PDZRN4: variants seen among roughly 807,000 people sequenced by gnomAD.
PDZRN4 encodes the protein PDZ domain-containing RING finger protein 4.
Under a neutral mutation model 99.0 loss-of-function variants are expected in PDZRN4, and 70 were observed. The ratio of observed to expected loss-of-function variants is 0.71; its 90% CI spans 0.58 to 0.86. PDZRN4 has a LOEUF of 0.86. Among genes scored for constraint, PDZRN4 ranks in the 40% least tolerant of loss-of-function variants. The pLI is 0.00. For missense variants in PDZRN4, 1,474 were observed against 1,331.2 expected (o/e 1.11, Z -1.67); for synonymous variants, 551 against 501.6 (o/e 1.10, Z -1.32).
At position 41,188,368 on chromosome 12, in the gene PDZRN4, G is replaced by C. The variant is rs1001304026; in HGVS notation, c.-88G>C. 10 of 1,291,942 alleles carry C rather than the reference G, an allele frequency of 7.7e-6. No individual in the cohort carries two copies. Among genetic ancestry groups the C allele is most frequent in the Non-Finnish European group, 1.0e-5 (10 of 973,476 alleles). 80.0% of individuals were successfully genotyped at this position (1,291,942 alleles called of 1,614,324 possible). A position where few individuals can be genotyped will look rare whatever the true frequency, so the allele number is the denominator to read the frequency against. On this transcript the variant is annotated 5_prime_UTR_variant, in exon 1 of 10. Coordinates refer to ENST00000402685, the MANE Select transcript of PDZRN4 (RefSeq NM_001164595.2). ...CCCTCCACTGCCGCCGCCGCGAGAC[G>C]GCTGCCCCGGGGGTGGCCCGGGGAA...
At chr12:41,351,657 G>A (rs1283666994) in intron 3 of PDZRN4, among the ~76,000 whole-genome samples, 2 of 151,858 alleles carry the variant, frequency 1.3e-5, no homozygotes, top group East Asian at 3.9e-4. Flanking sequence ...ATCAGCAAGG[G>A]GGAAGTTCAC....
chr12:41,540,450 C>T (rs60174450), intron 5 of PDZRN4, among the ~76,000 whole-genome samples: 24,237 of 151,906 alleles, frequency 0.16, 2,070 homozygotes, highest in South Asian at 0.24. Flanking sequence ...TTTGATCTAC[C>T]TTCAGGAACA....
At chr12:41,415,761 G>C (rs1349269582) in intron 3 of PDZRN4, among the ~76,000 whole-genome samples, 1 of 151,614 alleles carries the variant, frequency 6.6e-6, no homozygotes, top group Non-Finnish European at 1.5e-5. Context: ...GTTACAGTAT[G>C]TCTTTCAGTT....
At chr12:41,416,763 G>C (rs1333302128) in intron 3 of PDZRN4, among the ~76,000 whole-genome samples, 1 of 152,110 alleles carries the variant, frequency 6.6e-6, no homozygotes, top group Non-Finnish European at 1.5e-5. Flanking sequence ...GGAATGAATT[G>C]GTTTTCTTCC....
At chr12:41,339,269 G>T (rs1176840012) in intron 3 of PDZRN4, among the ~76,000 whole-genome samples, 1 of 151,886 alleles carries the variant, frequency 6.6e-6, no homozygotes, top group Non-Finnish European at 1.5e-5. Context: ...ATAAATAAAT[G>T]CATCCATTTA....
chr12:41,313,475 C>A (rs568885557), intron 3 of PDZRN4, among the ~76,000 whole-genome samples: 1 of 152,316 alleles, frequency 6.6e-6, no homozygotes, highest in East Asian at 1.9e-4. Flanking sequence ...TGGAAAGACC[C>A]ACGTGGGTCA....
chr12:41,430,591 G>T (rs1053391033), intron 3 of PDZRN4, among the ~76,000 whole-genome samples: 1 of 152,050 alleles, frequency 6.6e-6, no homozygotes, highest in Admixed American at 6.6e-5. Context: ...TACACAATGA[G>T]TACTTCTGTG....
At chr12:41,311,911 TA>T (rs1356447172) in intron 3 of PDZRN4, among the ~76,000 whole-genome samples, 1 of 152,184 alleles carries the variant, frequency 6.6e-6, no homozygotes, top group African/African-American at 2.4e-5. Flanking sequence ...ACTTAGTACA[TA>T]TAAAAATATC....
chr12:41,282,390 CA>C (rs1951393048), intron 3 of PDZRN4, among the ~76,000 whole-genome samples: 2 of 152,280 alleles, frequency 1.3e-5, no homozygotes, highest in Admixed American at 1.3e-4. Context: ...TAGAGACCTA[CA>C]AAGAGACTTA....
rs543997756 is a variant in PDZRN4, at chr12:41,195,014, C to A, written c.843+826C>A. Among the ~76,000 whole-genome samples the A allele has an allele frequency of 3.3e-5, 5 of 152,026 alleles. No homozygotes were observed. The South Asian group carries it at 1.0e-3, about 32-fold the overall frequency. On this transcript the variant is annotated intron_variant, in intron 3 of 9. Transcript: ENST00000402685. ...TTATATGAAAGAAAAAGAGAAATACCTTTTTTTCTCTTTGTTGTGAAAACC... is the reference window on the plus strand; with the variant it reads ...TTATATGAAAGAAAAAGAGAAATACATTTTTTTCTCTTTGTTGTGAAAACC...
At chr12:41,259,691 TAAA>T (rs758567961) in intron 3 of PDZRN4, among the ~76,000 whole-genome samples, 8 of 152,046 alleles carry the variant, frequency 5.3e-5, no homozygotes, top group Non-Finnish European at 1.0e-4. Context: ...AATAAAATCT[TAAA>T]AAAATATGAG....
intron 3 of PDZRN4, among the ~76,000 whole-genome samples, chr12:41,320,402 T>C (rs1951668084): frequency 6.6e-6 from 1 of 152,238 alleles, no homozygotes; most frequent in Non-Finnish European, 1.5e-5. Context: ...TGTTTGGATT[T>C]CTTGCTGCTG....
chr12:41,260,496 C>T (rs182517047), intron 3 of PDZRN4, among the ~76,000 whole-genome samples: 2 of 152,032 alleles, frequency 1.3e-5, no homozygotes, highest in East Asian at 3.9e-4. Context: ...GTTATGACCC[C>T]AATTATACAT....
At chr12:41,517,871 T>C (rs1269744259) in intron 5 of PDZRN4, among the ~76,000 whole-genome samples, 1 of 152,096 alleles carries the variant, frequency 6.6e-6, no homozygotes, top group Non-Finnish European at 1.5e-5. Context: ...ATATCTCAAC[T>C]GGTATCAAGT....
chr12:41,445,295 A>C (rs568425036), intron 3 of PDZRN4, among the ~76,000 whole-genome samples: 1 of 152,228 alleles, frequency 6.6e-6, no homozygotes, highest in South Asian at 2.1e-4. Flanking sequence ...AATTTTGGTT[A>C]CAAATATTTC....
At chr12:41,280,615 A>G (rs1434123786) in intron 3 of PDZRN4, among the ~76,000 whole-genome samples, 1 of 152,136 alleles carries the variant, frequency 6.6e-6, no homozygotes, top group African/African-American at 2.4e-5. Flanking sequence ...AACTGGGTGG[A>G]GCCCACCGCA....
At chr12:41,427,700 C>G (rs1328171280) in intron 3 of PDZRN4, among the ~76,000 whole-genome samples, 1 of 152,078 alleles carries the variant, frequency 6.6e-6, no homozygotes, top group Non-Finnish European at 1.5e-5. Context: ...ATATGAGGAC[C>G]ATTTTCATGA....
Position 41,530,415 on chromosome 12 carries a change from C to T in PDZRN4, c.1203+20502C>T, listed in dbSNP as rs113650100. 8.1e-3 allele frequency among the ~76,000 whole-genome samples: 1,237 copies of T among 152,182 alleles called. 17 individuals carry two copies. The highest frequency in any genetic ancestry group is 0.029 in the African/African-American group (1,190 of 41,528). Reference sequence around the variant, plus strand: ...AAACCTGTATTTTTTTCCGAAAATTCTGAACAAAGTTCCTAGGTCATCCAA... The same window carrying T: ...AAACCTGTATTTTTTTCCGAAAATTTTGAACAAAGTTCCTAGGTCATCCAA... On this transcript the variant is annotated intron_variant, in intron 5 of 9. Coordinates refer to ENST00000402685, the MANE Select transcript of PDZRN4 (RefSeq NM_001164595.2).
At chr12:41,454,237 A>G (rs1952800048) in intron 3 of PDZRN4, among the ~76,000 whole-genome samples, 1 of 152,162 alleles carries the variant, frequency 6.6e-6, no homozygotes, top group Non-Finnish European at 1.5e-5. Context: ...TATCTCTGCA[A>G]TACTCACAAC....
Sources: gnomAD v4.1 joint callset for allele counts (sites outside exome capture counted in the v4.1 genomes callset) on GRCh38, gnomAD v4.1.1 for gene constraint, MANE v1.5 for transcripts, NCBI Gene and HGNC (gene_info 2026-07-23, HGNC 2026-07-21) for gene names.